NFIC: variants seen among roughly 807,000 people sequenced by gnomAD.
NFIC encodes nuclear factor I C, also known as nuclear factor 1 C-type.
A neutral mutation model predicts 54.4 loss-of-function variants in NFIC; 12 were observed. The observed-to-expected ratio is 0.22, with a 90% CI of 0.14 to 0.36. NFIC has a LOEUF of 0.36. Ranked by LOEUF, NFIC falls within the 10% of genes least tolerant of loss-of-function variation. The pLI, the probability that NFIC is intolerant of heterozygous loss-of-function variation, is 1.00. For missense variants in NFIC, 575 were observed against 718.2 expected (o/e 0.80, Z 2.28); for synonymous variants, 322 against 319.2 (o/e 1.01, Z -0.09).
intron 2 of NFIC, among the ~76,000 whole-genome samples, chr19:3,390,159 G>T (rs939514457): frequency 2.0e-5 from 3 of 152,342 alleles, no homozygotes; most frequent in Admixed American, 2.0e-4. Flanking sequence ...CCAGAAGCTG[G>T]ACCAAGTCAC....
intron 2 of NFIC, among the ~76,000 whole-genome samples, chr19:3,385,493 T>A (rs2081280780): frequency 6.6e-6 from 1 of 152,062 alleles, no homozygotes; most frequent in Admixed American, 6.6e-5. Context: ...TTATCGTTAC[T>A]AACATTATCC....
rs2082710456 is a variant in NFIC at position 3,465,780 on chromosome 19, A to C, written c.*3011A>C. The C allele has an allele frequency of 6.6e-6, 1 of 151,876 alleles. No individual in the cohort carries two copies. The highest frequency in any genetic ancestry group is 2.4e-5 in the African/African-American group (1 of 41,318). 9.4% of individuals were successfully genotyped at this position (151,876 alleles called of 1,614,324 possible). A position where few individuals can be genotyped will look rare whatever the true frequency, so the allele number is the denominator to read the frequency against. Reference sequence around the variant, plus strand: ...CCTCCAACCATGGGGTGGCCACTCCACCCGCAGCCAGACTCCCCGCTCCCC... The same window carrying C: ...CCTCCAACCATGGGGTGGCCACTCCCCCCGCAGCCAGACTCCCCGCTCCCC... On this transcript the variant is annotated 3_prime_UTR_variant, in exon 11 of 11. Transcript: ENST00000443272.
intron 3 of NFIC, 114 bp downstream of exon 3, chr19:3,425,291 C>A: frequency 7.9e-7 from 1 of 1,268,260 alleles, no homozygotes. Context: ...CAGACTGAGG[C>A]TCGGAGAGGT....
rs566623409 is a variant in NFIC at position 3,467,788 on chromosome 19, T to TATATATATAA, written c.*5020_*5021insTATATATAAA. On this transcript the variant is annotated 3_prime_UTR_variant, in exon 11 of 11. Coordinates refer to ENST00000443272, the MANE Select transcript of NFIC (RefSeq NM_001245002.2). The stretch of plus-strand genomic sequence containing the variant: ...ATATATATATATATATATATATATA[T>TATATATATAA]AATTTTGGAATTTGTTTCTCATAAT... 8 of 136,796 alleles carry TATATATATAA rather than the reference T, an allele frequency of 5.8e-5. No individual in the cohort carries two copies. The highest frequency in any genetic ancestry group is 2.3e-4 in the African/African-American group (8 of 35,416). 8.5% of individuals were successfully genotyped at this position (136,796 alleles called of 1,614,324 possible).
chr19:3,372,173 A>G (rs2145440740), intron 1 of NFIC, among the ~76,000 whole-genome samples: 1 of 152,090 alleles, frequency 6.6e-6, no homozygotes, highest in South Asian at 2.1e-4. Context: ...GGCACGTGCC[A>G]CCACGCCTGG....
intron 4 of NFIC, 135 bp from the exon 5 acceptor site, chr19:3,434,142 C>A: frequency 7.3e-7 from 1 of 1,362,260 alleles, no homozygotes; most frequent in Non-Finnish European, 9.8e-7. Flanking sequence ...TGGTTTCAGC[C>A]ACCCTAGGAA....
chr19:3,391,487 A>C (rs1352957692), intron 2 of NFIC, among the ~76,000 whole-genome samples: 2 of 151,780 alleles, frequency 1.3e-5, no homozygotes, highest in Non-Finnish European at 2.9e-5. Context: ...CCTGTCTCTA[A>C]TAAAAATACA....
In NFIC at chr19:3,468,864, A is replaced by G. The variant is rs573449672; in HGVS notation, c.*6095A>G. On this transcript the variant is annotated 3_prime_UTR_variant, in exon 11 of 11. Coordinates refer to ENST00000443272, the MANE Select transcript of NFIC (RefSeq NM_001245002.2). ...CGGAGAAGGTTCCAGCAGGTCCCCC[A>G]CCCTCCCCTCCTCCTCCTACTTCTC... is the stretch of plus-strand genomic sequence containing the variant. 4.6e-5 allele frequency: 7 copies of G among 151,430 alleles called. No individual in the cohort carries two copies. The highest frequency in any genetic ancestry group is 1.5e-4 in the African/African-American group (6 of 41,238). The allele number at this position is 151,430 out of a possible 1,614,324, so 9.4% of individuals were successfully genotyped here.
At chr19:3,400,320 A>G (rs553298146) in intron 2 of NFIC, among the ~76,000 whole-genome samples, 1 of 151,978 alleles carries the variant, frequency 6.6e-6, no homozygotes, top group South Asian at 2.1e-4. Flanking sequence ...CTAAAAATAC[A>G]AAAAAAATTA....
chr19:3,413,783 C>G (rs576670968), intron 2 of NFIC, among the ~76,000 whole-genome samples: 1 of 152,104 alleles, frequency 6.6e-6, no homozygotes, highest in African/African-American at 2.4e-5. Context: ...ATTACAGGCA[C>G]GCACCACCAC....
chr19:3,463,462 G>A lies in NFIC; in HGVS notation c.*693G>A, dbSNP rs974691832. ...AGCCCTGGCCAGGGGAGGAAGTGAG[G>A]CCCAGGCACCTGCTGCCCCTCGAGG... is the stretch of plus-strand genomic sequence containing the variant. On this transcript the variant is annotated 3_prime_UTR_variant, in exon 11 of 11. Transcript: ENST00000443272. The A allele has an allele frequency of 1.0e-6, 1 of 985,402 alleles. No homozygotes were observed. The highest frequency in any genetic ancestry group is 1.2e-6 in the Non-Finnish European group (1 of 829,982). The allele number at this position is 985,402 out of a possible 1,614,324, so 61.0% of individuals were successfully genotyped here.
intron 7 of NFIC, among the ~76,000 whole-genome samples, chr19:3,451,517 C>T (rs2082462126): frequency 2.0e-5 from 3 of 151,686 alleles, no homozygotes; most frequent in Admixed American, 6.6e-5. Flanking sequence ...GCCGGCAGTC[C>T]GTGCTACTCA....
At chr19:3,429,376 T>C (rs1158497953) in intron 3 of NFIC, among the ~76,000 whole-genome samples, 2 of 142,670 alleles carry the variant, frequency 1.4e-5, no homozygotes, top group African/African-American at 5.2e-5. Flanking sequence ...CCCAGGAGTT[T>C]GAGACCAGCC....
intron 1 of NFIC, among the ~76,000 whole-genome samples, chr19:3,379,836 T>C (rs1233610869): frequency 6.6e-6 from 1 of 151,404 alleles, no homozygotes; most frequent in Non-Finnish European, 1.5e-5. Flanking sequence ...ACTGCAGGTA[T>C]GCATCACCTA....
intron 10 of NFIC, among the ~76,000 whole-genome samples, chr19:3,457,060 G>A (rs12980469): frequency 0.3 from 45,936 of 152,082 alleles, 7,844 homozygotes; most frequent in East Asian, 0.74. Flanking sequence ...TAGAGGGACC[G>A]CGGGGTGGCC....
At chr19:3,426,486 C>T (rs1354942779) in intron 3 of NFIC, among the ~76,000 whole-genome samples, 2 of 152,148 alleles carry the variant, frequency 1.3e-5, no homozygotes, top group Admixed American at 6.6e-5. Flanking sequence ...TCCATCCTAG[C>T]CCCCAGCTCC....
At position 3,369,773 on chromosome 19, in the gene NFIC, C is replaced by T. The variant is rs193214484; in HGVS notation, c.30+3107C>T. 2.6e-5 allele frequency among the ~76,000 whole-genome samples: 4 copies of T among 152,338 alleles called. No homozygotes were observed. The highest frequency in any genetic ancestry group is 1.9e-4 in the East Asian group (1 of 5,188). ...CCTGCCTCCCTCCCGCTGGCGCCAC[C>T]GCCACGTTAGTTATTCCGGGTTTGG... On this transcript the variant is annotated intron_variant, in intron 1 of 10. Transcript: ENST00000443272. This position sits in a 1 kb window ranked among gnomAD's most constrained non-coding sequence, Gnocchi z 4.3.
At position 3,463,914 on chromosome 19, in the gene NFIC, TCCAG is replaced by T. The variant is rs1190125387; in HGVS notation, c.*1148_*1151del. 1 of 693,624 alleles carries T rather than the reference TCCAG, an allele frequency of 1.4e-6. No homozygotes were observed. Among genetic ancestry groups the T allele is most frequent in the Non-Finnish European group, 1.6e-6 (1 of 614,450 alleles). 43.0% of individuals were successfully genotyped at this position (693,624 alleles called of 1,614,324 possible). On this transcript the variant is annotated 3_prime_UTR_variant, in exon 11 of 11. Transcript: ENST00000443272. ...GGCCGCGGGCCTCCTCCCCCTCCCCTCCAGCCTCTCCACCAGCCCCTCCAGTCAA... is the reference window on the plus strand; with the variant it reads ...GGCCGCGGGCCTCCTCCCCCTCCCCTCCTCTCCACCAGCCCCTCCAGTCAA...
At chr19:3,384,243 T>G (rs1325154521) in intron 2 of NFIC, among the ~76,000 whole-genome samples, 1 of 151,268 alleles carries the variant, frequency 6.6e-6, no homozygotes, top group African/African-American at 2.4e-5. Context: ...TATATATATT[T>G]TTTTGTAGAG....
Sources: gnomAD v4.1 joint callset for allele counts (sites outside exome capture counted in the v4.1 genomes callset) on GRCh38, gnomAD v4.1.1 for gene constraint, Gnocchi (gnomAD v3.1) non-coding constraint, MANE v1.5 for transcripts, NCBI Gene and HGNC (gene_info 2026-07-23, HGNC 2026-07-21) for gene names.